STK33: variants seen among roughly 807,000 people sequenced by gnomAD.
STK33 encodes the protein serine/threonine-protein kinase 33.
A neutral mutation model predicts 58.0 loss-of-function variants in STK33; 52 were observed. The observed-to-expected ratio is 0.90, with a 90% CI of 0.72 to 1.13. STK33 has a LOEUF of 1.13. Among genes scored for constraint, STK33 ranks in the 50% most tolerant of loss-of-function variants. The pLI, the probability that STK33 is intolerant of heterozygous loss-of-function variation, is 0.00. For synonymous variants in STK33, 215 were observed against 200.1 expected (o/e 1.07, Z -0.63); for missense variants, 630 against 604.2 (o/e 1.04, Z -0.45).
At chr11:8,434,796 C>T (rs1943861611) in intron 14 of STK33, among the ~76,000 whole-genome samples, 1 of 152,204 alleles carries the variant, frequency 6.6e-6, no homozygotes, top group African/African-American at 2.4e-5. Context: ...CTTCGACTTG[C>T]ATCTCACTGA....
chr11:8,469,976 C>A (rs1038242079), intron 6 of STK33, among the ~76,000 whole-genome samples: 2 of 152,174 alleles, frequency 1.3e-5, no homozygotes, highest in Non-Finnish European at 2.9e-5. Context: ...ACAGGCAGAG[C>A]AAATTTAGCA....
intron 1 of STK33, among the ~76,000 whole-genome samples, chr11:8,540,549 T>C (rs2140322882): frequency 6.6e-6 from 1 of 152,216 alleles, no homozygotes; most frequent in African/African-American, 2.4e-5. Context: ...CACACAGGAA[T>C]ATTATTCAAC....
the STK33 span, among the ~76,000 whole-genome samples, chr11:8,335,378 A>G: frequency 6.6e-6 from 1 of 152,174 alleles, no homozygotes; most frequent in African/African-American, 2.4e-5. Flanking sequence ...GCCACCAATG[A>G]GAGGGACCCC....
rs1248146232 is a variant in STK33 at position 8,462,466 on chromosome 11, CACACACAT to C, written c.454-565_454-558del. 5.3e-3 allele frequency among the ~76,000 whole-genome samples: 781 copies of C among 146,736 alleles called. 5 individuals carry two copies. The highest frequency in any genetic ancestry group is 0.049 in the Middle Eastern group (14 of 286). On this transcript the variant is annotated intron_variant, in intron 7 of 15. Coordinates refer to ENST00000687296, the MANE Select transcript of STK33 (RefSeq NM_001352389.2). ...ATACACACACACACACACACACACACACACACATATATATATATATGTATGTATGAAAA... is the reference window on the plus strand; with the variant it reads ...ATACACACACACACACACACACACACATATATATATATGTATGTATGAAAA...
intron 1 of STK33, among the ~76,000 whole-genome samples, chr11:8,518,312 G>C (rs959679282): frequency 4.6e-5 from 7 of 152,104 alleles, no homozygotes; most frequent in African/African-American, 1.7e-4. Context: ...GTCACCACCA[G>C]GCCTGCCTTA....
chr11:8,521,489 A>G (rs541228360), intron 1 of STK33, among the ~76,000 whole-genome samples: 15 of 152,332 alleles, frequency 9.8e-5, no homozygotes, highest in African/African-American at 3.6e-4. Context: ...GATGGAGTAA[A>G]GACTTAAATG....
chr11:8,382,311 A>G, the STK33 span, among the ~76,000 whole-genome samples: 1 of 152,232 alleles, frequency 6.6e-6, no homozygotes, highest in Non-Finnish European at 1.5e-5. Flanking sequence ...GAGGCTGCAC[A>G]GTCGCTGATG....
chr11:8,364,319 T>C, the STK33 span, among the ~76,000 whole-genome samples: 1 of 152,252 alleles, frequency 6.6e-6, no homozygotes, highest in Non-Finnish European at 1.5e-5. Flanking sequence ...TGTTGCAATT[T>C]CCTCTTTGTT....
At chr11:8,343,141 C>T in the STK33 span, among the ~76,000 whole-genome samples, 1 of 152,264 alleles carries the variant, frequency 6.6e-6, no homozygotes, top group Non-Finnish European at 1.5e-5. Context: ...AGGGCAAATC[C>T]AGCCGGGACA....
intron 1 of STK33, among the ~76,000 whole-genome samples, chr11:8,525,674 C>T (rs1953960458): frequency 6.6e-6 from 1 of 151,978 alleles, no homozygotes; most frequent in African/African-American, 2.4e-5. Context: ...CTTTATGACC[C>T]TGGGGTACAA....
At chr11:8,481,554 G>A (rs1949803241) in intron 1 of STK33, among the ~76,000 whole-genome samples, 1 of 152,176 alleles carries the variant, frequency 6.6e-6, no homozygotes, top group African/African-American at 2.4e-5. Flanking sequence ...ACATGTAAAA[G>A]AAGTCTGAAT....
At chr11:8,344,196 A>AC in the STK33 span, among the ~76,000 whole-genome samples, 2 of 29,706 alleles carry the variant, frequency 6.7e-5, no homozygotes, top group African/African-American at 2.2e-4. Context: ...TAAAACAAAC[A>AC]AAACACACAC....
intron 1 of STK33, among the ~76,000 whole-genome samples, chr11:8,501,083 A>G (rs956132203): frequency 1.3e-5 from 2 of 152,184 alleles, no homozygotes; most frequent in South Asian, 4.1e-4. Flanking sequence ...GGCTAAAACT[A>G]TAAAACTTCT....
At chr11:8,505,961 A>C (rs923831788) in intron 1 of STK33, among the ~76,000 whole-genome samples, 3 of 152,188 alleles carry the variant, frequency 2.0e-5, no homozygotes, top group African/African-American at 7.2e-5. Flanking sequence ...CTAACTCACC[A>C]CACTGTTGAG....
chr11:8,504,970 G>T (rs190062471), intron 1 of STK33, among the ~76,000 whole-genome samples: 11 of 152,300 alleles, frequency 7.2e-5, no homozygotes, highest in Non-Finnish European at 1.5e-4. Flanking sequence ...ACACAATGGT[G>T]TGTTCATGCA....
intron 1 of STK33, among the ~76,000 whole-genome samples, chr11:8,556,474 G>T (rs1047730367): frequency 6.6e-6 from 1 of 152,102 alleles, no homozygotes; most frequent in African/African-American, 2.4e-5. Flanking sequence ...ATCTAAAAAG[G>T]TCATAAGTAC....
At chr11:8,396,723 G>T (rs1849410245) in intron 15 of STK33, among the ~76,000 whole-genome samples, 1 of 152,182 alleles carries the variant, frequency 6.6e-6, no homozygotes, top group Non-Finnish European at 1.5e-5. Context: ...TCAAAGAAAG[G>T]GGTGACAGAT....
chr11:8,463,817 T>C (rs1331136158), intron 7 of STK33, among the ~76,000 whole-genome samples: 1 of 152,132 alleles, frequency 6.6e-6, no homozygotes, highest in African/African-American at 2.4e-5. Flanking sequence ...ACCCAAAAAC[T>C]GAACCCCTAA....
chr11:8,592,225 T>C (rs1000120647), intron 1 of STK33, among the ~76,000 whole-genome samples: 2 of 152,138 alleles, frequency 1.3e-5, no homozygotes, highest in Non-Finnish European at 2.9e-5. Context: ...GGATAACTTA[T>C]TCAACTAATT....
Sources: allele counts gnomAD v4.1 joint callset (sites outside exome capture counted in the v4.1 genomes callset), GRCh38; gene constraint gnomAD v4.1.1; transcripts MANE v1.5; gene names NCBI Gene and HGNC (gene_info 2026-07-23, HGNC 2026-07-21).